Variants in ZNF638 observed in about 807,000 individuals in gnomAD.
The protein encoded by ZNF638 is CTCL tumor antigen se33-1.
In ZNF638, 46 loss-of-function variants were observed where a neutral mutation model predicts 195.6. The ratio of observed to expected loss-of-function variants is 0.24; its 90% CI spans 0.19 to 0.30. The LOEUF is 0.30. Ranked by LOEUF, ZNF638 falls within the 10% of genes least tolerant of loss-of-function variation. The probability of loss-of-function intolerance (pLI) is 1.00; values close to 1 mark genes in which losing one functional copy is unlikely to be tolerated. For missense variants in ZNF638, 2,440 were observed against 2,325.3 expected (o/e 1.05, Z -1.01); for synonymous variants, 845 against 772.0 (o/e 1.09, Z -1.57).
chr2:71,376,198 TAGAAAAC>T (rs1255588853), intron 8 of ZNF638: 1 of 152,220 alleles, frequency 6.6e-6, no homozygotes, highest in Non-Finnish European at 1.5e-5. Context: ...CACTAGAAGC[TAGAAAAC>T]ATGCCATTTT....
At chr2:71,432,163 C>T (rs868651654) in intron 26 of ZNF638, among the ~76,000 whole-genome samples, 6 of 152,292 alleles carry the variant, frequency 3.9e-5, no homozygotes, top group Middle Eastern at 6.8e-3. Context: ...TACCTCTTCT[C>T]TCTCTTTTAT....
Position 71,423,406 on chromosome 2 carries a change from A to G in ZNF638, c.3892A>G (p.Lys1298Glu). 1 of 1,613,954 alleles carries G rather than the reference A, an allele frequency of 6.2e-7. No homozygotes were observed. The highest frequency in any genetic ancestry group is 8.5e-7 in the Non-Finnish European group (1 of 1,179,990). The part of the protein sequence containing the change: ...PTGDEKTVDK[K>E]NISEKKGNMD... ...TGGGGATGAGAAGACAGTGGACAAA[A>G]AGAATATTTCTGAAAAAAAAGGTAA... Residue 1298 changes from lysine (K) to glutamate (E), a missense_variant, in exon 22 of 28, where the codon AAG becomes GAG. Lys to Glu is a moderately conservative substitution (Grantham distance 56). This residue lies in a region of ZNF638 where 1,883 missense variants were observed against 1,739.1 expected (regional missense o/e 1.08). Coordinates refer to ENST00000264447, the MANE Select transcript of ZNF638 (RefSeq NM_014497.5).
intron 1 of ZNF638, among the ~76,000 whole-genome samples, chr2:71,335,243 A>ATGT (rs1050410996): frequency 5.9e-5 from 9 of 151,996 alleles, no homozygotes; most frequent in Admixed American, 1.3e-4. Context: ...GTCTTGCTGT[A>ATGT]TTGCCCAGGC....
chr2:71,353,786 G>C (rs111823768), intron 2 of ZNF638, among the ~76,000 whole-genome samples: 7 of 152,278 alleles, frequency 4.6e-5, no homozygotes, highest in African/African-American at 1.7e-4. Context: ...TGTTGGCAAC[G>C]TATTCAGATA....
intron 2 of ZNF638, among the ~76,000 whole-genome samples, chr2:71,350,922 T>C (rs1223324732): frequency 6.6e-6 from 1 of 152,110 alleles, no homozygotes; most frequent in Non-Finnish European, 1.5e-5. Context: ...TAAAGATGAT[T>C]TAGGTAGTTT....
At chr2:71,410,891 G>C (rs1321576088) in intron 20 of ZNF638, among the ~76,000 whole-genome samples, 1 of 150,264 alleles carries the variant, frequency 6.7e-6, no homozygotes, top group East Asian at 2.0e-4. Context: ...GGTTGGTATT[G>C]CTAGTCCAGT....
At chr2:71,343,622 A>G (rs138594142) in intron 1 of ZNF638, among the ~76,000 whole-genome samples, 29 of 152,306 alleles carry the variant, frequency 1.9e-4, no homozygotes, top group Middle Eastern at 3.4e-3. Flanking sequence ...TAGAAGAGAG[A>G]TTAGATTGTC....
intron 22 of ZNF638, 73 bp downstream of exon 22, chr2:71,424,111 G>T: frequency 2.0e-6 from 3 of 1,520,298 alleles, no homozygotes; most frequent in South Asian, 1.3e-5. Context: ...TATGTAGTAG[G>T]AGATGTAATT....
At position 71,348,967 on chromosome 2, in the gene ZNF638, A is replaced by G; in HGVS notation, c.13A>G (p.Arg5Gly). The G allele has an allele frequency of 6.2e-7, 1 of 1,614,164 alleles. No homozygotes were observed. Among genetic ancestry groups the G allele is most frequent in the South Asian group, 1.1e-5 (1 of 91,084 alleles). Reference sequence around the variant, plus strand: ...CTTGAAAATAGCCATGTCGAGACCCAGGTTTAATCCTCGAGGAGACTTTCC... The same window carrying G: ...CTTGAAAATAGCCATGTCGAGACCCGGGTTTAATCCTCGAGGAGACTTTCC... MSRPRFNPRGDFPLQ... is the reference protein window; with the variant it reads MSRPGFNPRGDFPLQ... Residue 5 changes from arginine (R) to glycine (G), a missense_variant, in exon 2 of 28, where the codon AGG (arginine) becomes GGG (glycine). Physicochemically the swap from Arg to Gly is moderately radical, Grantham distance 125 (BLOSUM62 -2). Around this residue, in one of 5 missense-constraint regions of ZNF638, gnomAD observed 191 missense variants for 173.8 expected, o/e 1.10. Transcript: ENST00000264447.
At chr2:71,361,813 AG>A (rs2079114248) in intron 3 of ZNF638, 1 of 28,476 alleles carries the variant, frequency 3.5e-5, no homozygotes. Context: ...GCAAATATTT[AG>A]CTTTTTTTTT....
intron 10 of ZNF638, chr2:71,393,738 G>C: frequency 1.5e-6 from 1 of 650,196 alleles, no homozygotes. Context: ...TGTTAGATCC[G>C]CCTTTCTTAC....
intron 1 of ZNF638, among the ~76,000 whole-genome samples, chr2:71,340,494 T>G (rs1325783895): frequency 1.3e-5 from 2 of 152,254 alleles, no homozygotes; most frequent in Non-Finnish European, 2.9e-5. Flanking sequence ...AACTACCCAT[T>G]GTAATAACTG....
intron 8 of ZNF638, among the ~76,000 whole-genome samples, chr2:71,378,898 TGAA>T (rs760255190): frequency 4.0e-5 from 6 of 151,890 alleles, no homozygotes; most frequent in Non-Finnish European, 8.8e-5. Flanking sequence ...GGGGATGGAG[TGAA>T]GAAGTATAGG....
In ZNF638 at chr2:71,409,800, C is replaced by T. The variant is rs569639254; in HGVS notation, c.3261+1553C>T. ...CTAAATTTAGGGTCATTTGCTTTGT[C>T]GACCAATTATATACACCTTTGGTTT... is the stretch of plus-strand genomic sequence containing the variant. On this transcript the variant is annotated intron_variant, in intron 20 of 27. Transcript: ENST00000264447. Among the ~76,000 whole-genome samples the T allele has an allele frequency of 3.9e-5, 6 of 152,208 alleles. No homozygotes were observed. In the South Asian group the frequency reaches 1.2e-3, roughly 32 times the overall value.
chr2:71,376,607 C>A (rs2079430826), intron 8 of ZNF638, among the ~76,000 whole-genome samples: 1 of 152,100 alleles, frequency 6.6e-6, no homozygotes, highest in African/African-American at 2.4e-5. Flanking sequence ...AAAAACTTAC[C>A]CGCCCAACAT....
chr2:71,389,581 C>T (rs1188387622), intron 10 of ZNF638, among the ~76,000 whole-genome samples: 3 of 152,282 alleles, frequency 2.0e-5, no homozygotes, highest in African/African-American at 4.8e-5. Flanking sequence ...TGCTATGCTT[C>T]AGGGGAGGGG....
At chr2:71,399,325 A>G (rs2079959165) in intron 12 of ZNF638, among the ~76,000 whole-genome samples, 2 of 152,194 alleles carry the variant, frequency 1.3e-5, no homozygotes, top group South Asian at 2.1e-4. Flanking sequence ...GGTCTGCCAC[A>G]TGAAGGTTAA....
In ZNF638 at chr2:71,333,451, GT is replaced by G. The variant is rs1324578741; in HGVS notation, c.-203+1580del. On this transcript the variant is annotated intron_variant, in intron 1 of 27. Transcript: ENST00000264447. ...TATTTATTGTATATTGGTTGTATTT[GT>G]TTTGTAATCCTTTTTTGCATTTTGT... Among the ~76,000 whole-genome samples, 42 of 151,510 alleles carry G rather than the reference GT, an allele frequency of 2.8e-4. 1 individual carries two copies. The highest frequency in any genetic ancestry group is 1.0e-3 in the African/African-American group (42 of 40,842).
chr2:71,390,634 A>T (rs6757817), intron 10 of ZNF638, among the ~76,000 whole-genome samples: 1 of 152,008 alleles, frequency 6.6e-6, no homozygotes, highest in South Asian at 2.1e-4. Context: ...CGGGAGCCGT[A>T]GGAGTGTATT....
Sources: allele counts gnomAD v4.1 joint callset (sites outside exome capture counted in the v4.1 genomes callset), GRCh38; gene constraint gnomAD v4.1.1; regional missense constraint gnomAD v4.1.1; transcripts MANE v1.5; gene names NCBI Gene and HGNC (gene_info 2026-07-23, HGNC 2026-07-21).